PHKA1: variants seen among roughly 807,000 people sequenced by gnomAD.
The protein encoded by PHKA1 is phosphorylase kinase regulatory subunit alpha 1.
Under a neutral mutation model 110.2 loss-of-function variants are expected in PHKA1, and 60 were observed. The ratio of observed to expected loss-of-function variants is 0.54; its 90% CI spans 0.44 to 0.68. The LOEUF is 0.68. Ranked by LOEUF, PHKA1 falls within the 30% of genes least tolerant of loss-of-function variation. The pLI is 0.00. For missense variants in PHKA1, 801 were observed against 942.5 expected (o/e 0.85, Z 1.97); for synonymous variants, 316 against 333.6 (o/e 0.95, Z 0.58).
At position 72,631,931 on chromosome X, in the gene PHKA1, G is replaced by A. The variant is rs191570516; in HGVS notation, c.1714+3224C>T. Among the ~76,000 whole-genome samples, 437 of 111,942 alleles carry A rather than the reference G, an allele frequency of 3.9e-3. 1 individual carries two copies. The highest frequency in any genetic ancestry group is 0.014 in the African/African-American group (423 of 30,904). On this transcript the variant is annotated intron_variant, in intron 16 of 31. Transcript: ENST00000373542. ...TTTGACCAAATCTCATAAATTATAAGTAGTGGTATCATTTTTCATTTCTAA... is the reference window on the plus strand; with the variant it reads ...TTTGACCAAATCTCATAAATTATAAATAGTGGTATCATTTTTCATTTCTAA...
intron 29 of PHKA1, among the ~76,000 whole-genome samples, chrX:72,591,067 T>C (rs1556224150): frequency 2.7e-5 from 3 of 112,042 alleles, no homozygotes; most frequent in African/African-American, 9.7e-5. Flanking sequence ...ACTAGGTATA[T>C]ACCCAAAGTA....
intron 3 of PHKA1, among the ~76,000 whole-genome samples, chrX:72,701,608 C>A (rs1301999812): frequency 3.6e-5 from 4 of 110,851 alleles, no homozygotes; most frequent in Non-Finnish European, 1.9e-5. Context: ...AACCCCAGCT[C>A]CTCGGGAGGC....
chrX:72,666,234 A>C lies in PHKA1; in HGVS notation c.781T>G (p.Ser261Ala). ...GCAAAGGCAGGGAAGGAAACCACTG[A>C]GAGTAGACTAGCATCAACCTCTTTT... ...TSKEVDASLL[S>A]VVSFPAFAVE... The change falls in exon 8 of 32, where the codon TCA becomes GCA. Residue 261 changes from serine to alanine, a missense_variant. Transcript: ENST00000373542. 1 of 1,209,416 alleles carries C rather than the reference A, an allele frequency of 8.3e-7. No individual in the cohort carries two copies. Among genetic ancestry groups the C allele is most frequent in the Non-Finnish European group, 1.1e-6 (1 of 893,247 alleles).
chrX:72,618,136 C>G (rs1462525406), intron 21 of PHKA1, among the ~76,000 whole-genome samples: 1 of 111,704 alleles, frequency 9.0e-6, no homozygotes, highest in African/African-American at 3.3e-5. Flanking sequence ...ATCTCAACAT[C>G]CAAACCAAAT....
At chrX:72,581,384 T>C (rs1385900942) in intron 31 of PHKA1, among the ~76,000 whole-genome samples, 3 of 111,647 alleles carry the variant, frequency 2.7e-5, no homozygotes, top group Non-Finnish European at 5.6e-5. Context: ...CCCCAAATCA[T>C]GTAAATTATT....
intron 10 of PHKA1, among the ~76,000 whole-genome samples, chrX:72,654,027 T>TA (rs1226694678): frequency 1.5e-3 from 124 of 84,981 alleles, no homozygotes; most frequent in African/African-American, 2.7e-3. Context: ...ATATAAAATG[T>TA]AAAAAAAAAA....
At chrX:72,655,745 C>T (rs782611409) in intron 10 of PHKA1, among the ~76,000 whole-genome samples, 1 of 111,050 alleles carries the variant, frequency 9.0e-6, no homozygotes, top group African/African-American at 3.3e-5. Context: ...GCCTCAGCCT[C>T]CCGAGTAGCT....
In PHKA1 at chrX:72,605,013, C is replaced by T. The variant is rs996122546; in HGVS notation, c.2815+258G>A. On this transcript the variant is annotated intron_variant, in intron 25 of 31. Coordinates refer to ENST00000373542, the MANE Select transcript of PHKA1 (RefSeq NM_002637.4). The stretch of plus-strand genomic sequence containing the variant: ...AGAGTTAGAGAAATGAAGTTAGCAA[C>T]GAGTGATAAGTCAAGAGGGATTTGG... Among the ~76,000 whole-genome samples the T allele has an allele frequency of 8.1e-5, 9 of 111,195 alleles. No individual in the cohort carries two copies. In the South Asian group the frequency reaches 1.1e-3, roughly 14 times the overall value.
At chrX:72,634,952 T>A (rs1556290596) in intron 16 of PHKA1, among the ~76,000 whole-genome samples, 1 of 112,339 alleles carries the variant, frequency 8.9e-6, no homozygotes, top group Non-Finnish European at 1.9e-5. Flanking sequence ...ATAAGCTCCA[T>A]GAGAACGGAA....
Position 72,636,333 on chromosome X carries a change from G to A in PHKA1, c.1513C>T (p.Leu505Phe). The change falls in exon 15 of 32, where the codon CTT becomes TTT. Residue 505 changes from leucine to phenylalanine, a missense_variant. Leu to Phe is a conservative substitution (Grantham distance 22, BLOSUM62 0). This residue lies in a region of PHKA1 where 299 missense variants were observed against 423.3 expected (regional missense o/e 0.71). Coordinates refer to ENST00000373542, the MANE Select transcript of PHKA1 (RefSeq NM_002637.4). Reference protein sequence around the residue: ...SGRPYRHMGVLGTSKLYDIRK... With the variant: ...SGRPYRHMGVFGTSKLYDIRK... ...ATGTCATAGAGTTTTGAAGTTCCAA[G>A]CACTCCCATGTGTCTGTAGGGTCGT... 8.3e-7 allele frequency: 1 copy of A among 1,204,894 alleles called. No homozygotes were observed. Among genetic ancestry groups the A allele is most frequent in the Non-Finnish European group, 1.1e-6 (1 of 889,227 alleles).
In PHKA1 at chrX:72,674,492, C is replaced by T. The variant is rs1203533247; in HGVS notation, c.618+1578G>A. On this transcript the variant is annotated intron_variant, in intron 6 of 31. Transcript: ENST00000373542. ...TGTTGTTTCCTGACTTTTTAATGAT[C>T]GCCATTCTAACTGGTGTGAGATGGT... 6.3e-5 allele frequency among the ~76,000 whole-genome samples: 7 copies of T among 111,535 alleles called. No homozygotes were observed. The East Asian group carries it at 1.7e-3, about 27-fold the overall frequency.
chrX:72,697,384 AT>A (rs782570666), intron 3 of PHKA1, among the ~76,000 whole-genome samples: 3,129 of 110,591 alleles, frequency 0.028, 53 homozygotes, highest in Non-Finnish European at 0.046. Context: ...ATTTTAAAAG[AT>A]TTTTTTTAAA....
intron 4 of PHKA1, 81 bp downstream of exon 4, chrX:72,695,627 G>A (rs1173769399): frequency 1.5e-5 from 15 of 985,861 alleles, no homozygotes; most frequent in African/African-American, 3.8e-5. Flanking sequence ...CAGCCTTCCC[G>A]GTTCTCAATT....
At chrX:72,611,917 G>A (rs1381916414) in intron 21 of PHKA1, among the ~76,000 whole-genome samples, 1 of 111,596 alleles carries the variant, frequency 9.0e-6, no homozygotes, top group Non-Finnish European at 1.9e-5. Flanking sequence ...AAACAGCCTG[G>A]CAATTCCTAA....
intron 2 of PHKA1, chrX:72,712,399 T>A (rs1315510845): frequency 3.0e-5 from 6 of 199,295 alleles, no homozygotes; most frequent in Admixed American, 6.9e-5. Flanking sequence ...CCACAATTTT[T>A]AAAAATGAAA....
intron 4 of PHKA1, among the ~76,000 whole-genome samples, chrX:72,693,221 G>T (rs2054062677): frequency 9.0e-6 from 1 of 111,342 alleles, no homozygotes; most frequent in Non-Finnish European, 1.9e-5. Flanking sequence ...CTAGTTTTAT[G>T]GTATACCATA....
In PHKA1 at chrX:72,618,222, T is replaced by A. The variant is rs1225476023; in HGVS notation, c.2369+488A>T. On this transcript the variant is annotated intron_variant, in intron 21 of 31. Coordinates refer to ENST00000373542, the MANE Select transcript of PHKA1 (RefSeq NM_002637.4). Reference sequence around the variant, plus strand: ...AAGGAGGGAGAACAGATTATTTTTGTGTAAGCTTGTGGGGTTTAGGAGAGA... The same window carrying A: ...AAGGAGGGAGAACAGATTATTTTTGAGTAAGCTTGTGGGGTTTAGGAGAGA... Among the ~76,000 whole-genome samples the A allele has an allele frequency of 8.0e-5, 9 of 111,956 alleles. No homozygotes were observed. In the Admixed American group the frequency reaches 8.5e-4, roughly 11 times the overall value.
intron 23 of PHKA1, among the ~76,000 whole-genome samples, chrX:72,608,998 C>T (rs984030097): frequency 4.5e-5 from 5 of 112,209 alleles, no homozygotes; most frequent in Admixed American, 3.8e-4. Flanking sequence ...TGAAATTAAA[C>T]ACATTTACTG....
At chrX:72,650,102 G>A (rs1372335112) in intron 13 of PHKA1, among the ~76,000 whole-genome samples, 7 of 111,132 alleles carry the variant, frequency 6.3e-5, no homozygotes, top group Admixed American at 1.9e-4. Flanking sequence ...AGATAACCAG[G>A]AGGCTAAAAT....
Sources: gnomAD v4.1 joint callset for allele counts (sites outside exome capture counted in the v4.1 genomes callset) on GRCh38, gnomAD v4.1.1 for gene constraint, gnomAD v4.1.1 regional missense constraint, MANE v1.5 for transcripts, NCBI Gene and HGNC (gene_info 2026-07-23, HGNC 2026-07-21) for gene names.